Variants in ARSB observed in about 807,000 individuals in gnomAD.
ARSB encodes the protein arylsulfatase B.
A neutral mutation model predicts 50.9 loss-of-function variants in ARSB; 41 were observed. The observed-to-expected ratio is 0.81, with a 90% CI of 0.63 to 1.04. The LOEUF (loss-of-function observed/expected upper bound fraction) is 1.04. ARSB is among the 50% of genes least tolerant of loss of function. ARSB has a pLI of 0.00. For missense variants in ARSB, 672 were observed against 693.3 expected (o/e 0.97, Z 0.35); for synonymous variants, 269 against 284.8 (o/e 0.94, Z 0.56).
At position 78,968,752 on chromosome 5, in the gene ARSB, A is replaced by G. The variant is rs112344387; in HGVS notation, c.499+254T>C. Reference sequence around the variant, plus strand: ...GTCTCTGAGAGTACAGCGGTCTCCAACGTGGATAGTAAACTCTTGCAAGGC... The same window carrying G: ...GTCTCTGAGAGTACAGCGGTCTCCAGCGTGGATAGTAAACTCTTGCAAGGC... On this transcript the variant is annotated intron_variant, in intron 2 of 7. Coordinates refer to ENST00000264914, the MANE Select transcript of ARSB (RefSeq NM_000046.5). Among the ~76,000 whole-genome samples, 14 of 152,326 alleles carry G rather than the reference A, an allele frequency of 9.2e-5. 1 individual carries two copies. The South Asian group carries it at 1.0e-3, about 11-fold the overall frequency.
At chr5:78,952,225 T>A (rs535245704) in intron 4 of ARSB, among the ~76,000 whole-genome samples, 1 of 152,304 alleles carries the variant, frequency 6.6e-6, no homozygotes, top group African/African-American at 2.4e-5. Context: ...CAATTATACA[T>A]ACACATTTGC....
At chr5:78,830,062 C>T (rs1744603334) in intron 6 of ARSB, among the ~76,000 whole-genome samples, 1 of 152,192 alleles carries the variant, frequency 6.6e-6, no homozygotes, top group African/African-American at 2.4e-5. Flanking sequence ...GGAAGTTAGT[C>T]TGCTTTTGTG....
At chr5:78,812,158 G>A (rs1454595021) in intron 6 of ARSB, among the ~76,000 whole-genome samples, 2 of 152,206 alleles carry the variant, frequency 1.3e-5, no homozygotes, top group African/African-American at 2.4e-5. Flanking sequence ...AAATGGGAAA[G>A]TACACAAAGG....
At chr5:78,888,949 C>A (rs1268398578) in intron 4 of ARSB, among the ~76,000 whole-genome samples, 1 of 152,218 alleles carries the variant, frequency 6.6e-6, no homozygotes, top group East Asian at 1.9e-4. Context: ...GACACATGTG[C>A]AACTTCTCCA....
intron 6 of ARSB, chr5:78,815,942 C>T (rs1183996025): frequency 6.5e-7 from 1 of 1,534,654 alleles, no homozygotes; most frequent in Non-Finnish European, 8.7e-7. Flanking sequence ...GGCACTTTTC[C>T]TATGATGCCA....
At chr5:78,970,137 A>T (rs484234) in intron 1 of ARSB, among the ~76,000 whole-genome samples, 31,649 of 152,076 alleles carry the variant, frequency 0.21, 3,816 homozygotes, top group Admixed American at 0.29. Flanking sequence ...AATATTGAGT[A>T]GAATACCCAC....
At chr5:78,904,378 A>AT (rs60208190) in intron 4 of ARSB, among the ~76,000 whole-genome samples, 363 of 147,278 alleles carry the variant, frequency 2.5e-3, no homozygotes, top group African/African-American at 8.2e-3. Context: ...CTTTCAAGGT[A>AT]TTTTTTTTTT....
At chr5:78,784,961 G>A (rs1240316145) in intron 6 of ARSB, among the ~76,000 whole-genome samples, 2 of 152,024 alleles carry the variant, frequency 1.3e-5, no homozygotes, top group Non-Finnish European at 2.9e-5. Context: ...ACCATGCCCA[G>A]CTAATTTTTT....
chr5:78,949,633 G>A (rs188017891), intron 4 of ARSB, among the ~76,000 whole-genome samples: 1 of 152,334 alleles, frequency 6.6e-6, no homozygotes, highest in African/African-American at 2.4e-5. Flanking sequence ...ATACAGGCTG[G>A]GCGTGGTGGC....
intron 6 of ARSB, among the ~76,000 whole-genome samples, chr5:78,816,719 G>C (rs916002643): frequency 2.0e-5 from 3 of 152,212 alleles, no homozygotes; most frequent in African/African-American, 4.8e-5. Flanking sequence ...TCAACAAGAG[G>C]AAGCTTCTCC....
chr5:78,798,191 A>AT (rs1422854923), intron 6 of ARSB, among the ~76,000 whole-genome samples: 1 of 152,158 alleles, frequency 6.6e-6, no homozygotes, highest in Non-Finnish European at 1.5e-5. Flanking sequence ...AAAAGCAAGT[A>AT]TTTTTTTCTA....
intron 5 of ARSB, among the ~76,000 whole-genome samples, chr5:78,843,172 T>C (rs1163589579): frequency 6.6e-6 from 1 of 152,186 alleles, no homozygotes; most frequent in Non-Finnish European, 1.5e-5. Context: ...TTAATGTACA[T>C]ATGAATCATC....
intron 1 of ARSB, among the ~76,000 whole-genome samples, chr5:78,981,613 A>G (rs923827010): frequency 6.6e-6 from 1 of 152,256 alleles, no homozygotes; most frequent in Non-Finnish European, 1.5e-5. Flanking sequence ...AGAGCTAGAC[A>G]AAGTCTAGAG....
At chr5:78,892,460 C>T (rs552758067) in intron 4 of ARSB, among the ~76,000 whole-genome samples, 96 of 152,010 alleles carry the variant, frequency 6.3e-4, no homozygotes, top group African/African-American at 2.1e-3. Context: ...TTCGCCTTGT[C>T]GGCCAGGCTG....
At position 78,922,834 on chromosome 5, in the gene ARSB, G is replaced by C. The variant is rs1205439194; in HGVS notation, c.898+32461C>G. ...TGACGGGGTTTCACCATGTTGACCA[G>C]GATGGTCTTGATCTCCTGACCTCGT... On this transcript the variant is annotated intron_variant, in intron 4 of 7. Transcript: ENST00000264914. Among the ~76,000 whole-genome samples the C allele has an allele frequency of 2.0e-5, 3 of 151,904 alleles. No homozygotes were observed. In the East Asian group the frequency reaches 5.8e-4, roughly 30 times the overall value.
chr5:78,815,929 G>A, intron 6 of ARSB: 1 of 1,524,262 alleles, frequency 6.6e-7, no homozygotes, highest in Non-Finnish European at 8.8e-7. Context: ...CTTTCTTGGA[G>A]AAGGCACTTT....
chr5:78,858,978 A>G (rs1320789221), intron 5 of ARSB, among the ~76,000 whole-genome samples: 2 of 152,226 alleles, frequency 1.3e-5, no homozygotes, highest in Admixed American at 6.5e-5. Flanking sequence ...ATCAATGCTT[A>G]AAGATTGCAC....
chr5:78,815,002 T>TA (rs113492241), intron 6 of ARSB, among the ~76,000 whole-genome samples: 19,058 of 149,792 alleles, frequency 0.13, 1,919 homozygotes, highest in East Asian at 0.24. Context: ...GCACACAAAG[T>TA]AAAAAAAACC....
intron 5 of ARSB, among the ~76,000 whole-genome samples, chr5:78,874,034 T>C (rs547370572): frequency 6.6e-6 from 1 of 152,300 alleles, no homozygotes; most frequent in East Asian, 1.9e-4. Context: ...ATTAGACTTA[T>C]CAACAGTAAC....
Sources: gnomAD v4.1 joint callset for allele counts (sites outside exome capture counted in the v4.1 genomes callset) on GRCh38, gnomAD v4.1.1 for gene constraint, MANE v1.5 for transcripts, NCBI Gene and HGNC (gene_info 2026-07-23, HGNC 2026-07-21) for gene names.